TRIM64B: variants seen among roughly 807,000 people sequenced by gnomAD.
TRIM64B encodes the protein tripartite motif-containing protein 64B.
For synonymous variants in TRIM64B, 17 were observed against 190.3 expected, an observed-to-expected ratio of 0.09 and a Z score of 7.50; for missense variants, 57 against 536.4, an observed-to-expected ratio of 0.11 and a Z score of 8.83.
upstream of TRIM64B, among the ~76,000 whole-genome samples, chr11:89,877,833 G>A (rs1421824619): frequency 6.7e-6 from 1 of 149,434 alleles, no homozygotes; most frequent in Non-Finnish European, 1.5e-5. Flanking sequence ...TGTTGGCCAG[G>A]CTGGTGTCTA....
Position 89,873,651 on chromosome 11 carries a change from C to G in TRIM64B, c.736-361G>C, listed in dbSNP as rs1950134427. Among the ~76,000 whole-genome samples, 3 of 67,828 alleles carry G rather than the reference C, an allele frequency of 4.4e-5. No homozygotes were observed. The East Asian group carries it at 1.0e-3, about 23-fold the overall frequency. 44.5% of individuals were successfully genotyped at this position (67,828 alleles called of 152,430 possible). A position where few individuals can be genotyped will look rare whatever the true frequency, so the allele number is the denominator to read the frequency against. On this transcript the variant is annotated intron_variant, in intron 3 of 5. Transcript: ENST00000329862. ...CATGGACATTGATGAGCAGCTTTGA[C>G]AAACCTTGCCCAGGCAAGGGGAAAC...
intron 1 of TRIM64B, among the ~76,000 whole-genome samples, chr11:89,875,320 T>A (rs1359459898): frequency 5.3e-5 from 8 of 152,288 alleles, no homozygotes; most frequent in Non-Finnish European, 1.0e-4. Context: ...GGCTTTCAGA[T>A]AACCTGACTT....
At chr11:89,876,721 CAAAA>C (rs57069977), upstream of TRIM64B, among the ~76,000 whole-genome samples, 7 of 106,084 alleles carry the variant, frequency 6.6e-5, no homozygotes, top group South Asian at 2.9e-4. Flanking sequence ...GACTCTGTCT[CAAAA>C]AAAAAAAAAA....
In TRIM64B at chr11:89,875,272, G is replaced by A. The variant is rs1186352138; in HGVS notation, c.409-199C>T. On this transcript the variant is annotated intron_variant, in intron 1 of 5. Coordinates refer to ENST00000329862, the Ensembl canonical transcript of TRIM64B. Reference sequence around the variant, plus strand: ...TAGAAACATAATAGAGAGTTTTAAGGGACCCTTCAGATAATATCATCAATA... The same window carrying A: ...TAGAAACATAATAGAGAGTTTTAAGAGACCCTTCAGATAATATCATCAATA... Among the ~76,000 whole-genome samples the A allele has an allele frequency of 9.2e-5, 14 of 152,360 alleles. No individual in the cohort carries two copies. In the East Asian group the frequency reaches 2.7e-3, roughly 30 times the overall value.
At chr11:89,870,453 A>G in exon 6 of TRIM64B, 1 of 839,804 alleles carries the variant, frequency 1.2e-6, no homozygotes, top group East Asian at 2.7e-5. Context: ...AATTAAAATA[A>G]TTTAATTAAC....
chr11:89,876,572 A>G (rs1439500265), upstream of TRIM64B, among the ~76,000 whole-genome samples: 2 of 149,480 alleles, frequency 1.3e-5, no homozygotes, highest in Non-Finnish European at 3.0e-5. Context: ...AATACAAAAA[A>G]TTAGCAGGGC....
upstream of TRIM64B, among the ~76,000 whole-genome samples, chr11:89,876,919 C>T (rs1950169158): frequency 6.7e-6 from 1 of 148,852 alleles, no homozygotes; most frequent in South Asian, 2.1e-4. Flanking sequence ...CAGTCATTCC[C>T]AGTTACCTAG....
At chr11:89,872,842 C>G (rs1311816427) in intron 4 of TRIM64B, among the ~76,000 whole-genome samples, 9 of 151,694 alleles carry the variant, frequency 5.9e-5, no homozygotes, top group Non-Finnish European at 7.3e-5. Flanking sequence ...GGTGATGGAG[C>G]AGGCCCGGGT....
chr11:89,872,161 G>A, intron 5 of TRIM64B, 54 bp downstream of exon 6: 1 of 1,511,568 alleles, frequency 6.6e-7, no homozygotes, highest in Non-Finnish European at 8.9e-7. Context: ...CCTCAACCAA[G>A]GGACCCAATA....
chr11:89,875,463 T>C (rs1482007807), intron 1 of TRIM64B, 147 bp downstream of exon 2: 1 of 1,429,898 alleles, frequency 7.0e-7, no homozygotes, highest in East Asian at 2.5e-5. Context: ...GCCAGCAACA[T>C]TGAAAGGACA....
intron 2 of TRIM64B, 106 bp from the exon 4 acceptor site, chr11:89,874,385 C>T (rs1950143246): frequency 3.3e-6 from 2 of 602,224 alleles, no homozygotes; most frequent in Non-Finnish European, 5.2e-6. Context: ...CTTTCTGCCT[C>T]ACTCTTGCAA....
chr11:89,877,915 C>T (rs1950175500), upstream of TRIM64B, among the ~76,000 whole-genome samples: 3 of 149,186 alleles, frequency 2.0e-5, no homozygotes, highest in Admixed American at 6.7e-5. Context: ...GCCATCATGC[C>T]CAGCCGATTA....
chr11:89,875,071 C>T, exon 2 of TRIM64B: 1 of 1,547,676 alleles, frequency 6.5e-7, no homozygotes, highest in Non-Finnish European at 8.7e-7. Context: ...TTATAAGTTT[C>T]TCCTGCAAAA....
chr11:89,874,087 A>G (rs1950139725), exon 3 of TRIM64B: 2 of 1,549,512 alleles, frequency 1.3e-6, no homozygotes, highest in Non-Finnish European at 1.7e-6. Context: ...CATGTCTCCC[A>G]CAGCTCTCTG....
At chr11:89,875,303 A>T (rs1161703971) in intron 1 of TRIM64B, among the ~76,000 whole-genome samples, 1 of 152,284 alleles carries the variant, frequency 6.6e-6, no homozygotes, top group East Asian at 1.9e-4. Flanking sequence ...CAATATTCTG[A>T]GAAACTGGCT....
At chr11:89,871,808 T>C (rs1813926979) in intron 5 of TRIM64B, among the ~76,000 whole-genome samples, 1 of 44,760 alleles carries the variant, frequency 2.2e-5, no homozygotes, top group East Asian at 4.6e-4. Flanking sequence ...ATTTTGTAAA[T>C]AATAAAGGTT....
upstream of TRIM64B, among the ~76,000 whole-genome samples, chr11:89,878,034 C>T (rs1196099788): frequency 1.9e-4 from 28 of 147,844 alleles, no homozygotes; most frequent in South Asian, 5.6e-3. Context: ...ACATTTTTAA[C>T]GTTCGCTTTG....
chr11:89,877,277 T>C (rs1421154686), upstream of TRIM64B, among the ~76,000 whole-genome samples: 2 of 107,714 alleles, frequency 1.9e-5, no homozygotes, highest in Non-Finnish European at 3.8e-5. Flanking sequence ...ACATTAAATG[T>C]AAATAATATC....
At chr11:89,875,256 A>T (rs1227864320) in intron 1 of TRIM64B, among the ~76,000 whole-genome samples, 183 bp from the exon 3 acceptor site, 3 of 152,240 alleles carry the variant, frequency 2.0e-5, no homozygotes, top group African/African-American at 4.8e-5. Flanking sequence ...ATAGAAACAT[A>T]ATAGAGAGTT....
Sources: allele counts gnomAD v4.1 joint callset (sites outside exome capture counted in the v4.1 genomes callset), GRCh38; gene constraint gnomAD v4.1.1; transcripts MANE v1.5; gene names NCBI Gene and HGNC (gene_info 2026-07-23, HGNC 2026-07-21).